The following OR56A5 variants were observed in gnomAD, a reference collection of about 807,000 sequenced individuals.
OR56A5 encodes olfactory receptor 56A5.
Under a neutral mutation model 13.8 loss-of-function variants are expected in OR56A5, and 10 were observed. The observed-to-expected ratio is 0.73, with a 90% confidence interval of 0.45 to 1.23. OR56A5 has a LOEUF of 1.23. OR56A5 is among the 50% of genes most tolerant of loss of function. The pLI, the probability that OR56A5 is intolerant of heterozygous loss-of-function variation, is 0.00. For synonymous variants in OR56A5, 156 were observed against 150.8 expected (o/e 1.03, Z -0.25); for missense variants, 377 against 370.9 (o/e 1.02, Z -0.13).
chr11:5,968,474 G>C lies in OR56A5; in HGVS notation c.21C>G (p.Asn7Lys), dbSNP rs1448825713. The C allele has an allele frequency of 6.4e-7, 1 of 1,555,600 alleles. No homozygotes were observed. Among genetic ancestry groups the C allele is most frequent in the African/African-American group, 1.4e-5 (1 of 73,166 alleles). ...AGAATTCAAAGACTGGGGAAGTGGA[G>C]TTGTTGCTGGGTAATGTCATGAAAT... MTLPSN[N>K]STSPVFEFFL... The change falls in exon 1 of 1, where the codon AAC becomes AAG. Residue 7 changes from asparagine to lysine, a missense_variant. Asn to Lys is a moderately conservative substitution (Grantham distance 94, BLOSUM62 0). Transcript: ENST00000532411.
rs752314869 is a variant in OR56A5, at chr11:5,968,435, G to A, written c.60C>T (p.Phe20=). 1.9e-6 allele frequency: 3 copies of A among 1,592,804 alleles called. No homozygotes were observed. In the South Asian group the frequency reaches 3.4e-5, roughly 18 times the overall value. ...SPVFEFFLIC[F]PSFQSWQHWL... is the part of the protein sequence containing the mutation. ...AGTGCTGCCAGCTCTGGAAACTGGG[G>A]AAACAAATGAGGAAGAATTCAAAGA... The change falls in exon 1 of 1, where the codon TTC becomes TTT. Residue 20 remains phenylalanine (F), a synonymous_variant. Coordinates refer to ENST00000532411, the MANE Select transcript of OR56A5 (RefSeq NM_001146033.1).
In OR56A5 at chr11:5,967,954, T is replaced by C; in HGVS notation, c.541A>G (p.Ile181Val). The change falls in exon 1 of 1, where the codon ATC becomes GTC. Residue 181 changes from isoleucine to valine, a missense_variant. Transcript: ENST00000532411. ...TTAGACACAGACACGTTAGTACAGA[T>C]GCAGTTCTTGATGATGTGTCCTGCA... ...YCAGHIIKNC[I>V]CTNVSVSKLS... The C allele has an allele frequency of 6.3e-7, 1 of 1,594,430 alleles. No homozygotes were observed. Among genetic ancestry groups the C allele is most frequent in the Non-Finnish European group, 8.6e-7 (1 of 1,169,216 alleles).
Position 5,968,278 on chromosome 11 carries a change from C to G in OR56A5, c.217G>C (p.Asp73His). 6.2e-7 allele frequency: 1 copy of G among 1,612,830 alleles called. No homozygotes were observed. Among genetic ancestry groups the G allele is most frequent in the East Asian group, 2.2e-5 (1 of 44,878 alleles). The change falls in exon 1 of 1, where the codon GAC (aspartate) becomes CAC (histidine). Residue 73 changes from aspartate (D) to histidine (H), a missense_variant. Physicochemically the swap from Asp to His is moderately conservative, Grantham distance 81. Transcript: ENST00000532411. Reference sequence around the variant, plus strand: ...ATGACGGTGAGGCAGAGTACGATGTCCAGCAGGGAGAGGAGGCTGAGCAGG... The same window carrying G: ...ATGACGGTGAGGCAGAGTACGATGTGCAGCAGGGAGAGGAGGCTGAGCAGG... ...YYLLSLLSLL[D>H]IVLCLTVIPK...
rs138339957 is a variant in OR56A5, at chr11:5,968,121, C to T, written c.374G>A (p.Arg125His). Residue 125 changes from arginine (R) to histidine (H), a missense_variant, in exon 1 of 1, where the codon CGC becomes CAC. Coordinates refer to ENST00000532411, the MANE Select transcript of OR56A5 (RefSeq NM_001146033.1). Reference sequence around the variant, plus strand: ...TAGGGGCTTGCAGATGGCCACATAGCGGTCATAGGCCATGATCATGAATGT... The same window carrying T: ...TAGGGGCTTGCAGATGGCCACATAGTGGTCATAGGCCATGATCATGAATGT... ...SCTFMIMAYD[R>H]YVAICKPLQY... The T allele has an allele frequency of 1.3e-4, 202 of 1,613,986 alleles. No homozygotes were observed. In the East Asian group the frequency reaches 3.7e-3, roughly 30 times the overall value.
In OR56A5 at chr11:5,968,183, C is replaced by A; in HGVS notation, c.312G>T (p.Val104=). Residue 104 remains valine (V), a synonymous_variant, in exon 1 of 1, where the codon GTG becomes GTT. Coordinates refer to ENST00000532411, the MANE Select transcript of OR56A5 (RefSeq NM_001146033.1). ...TAGTCAGAAAACTGTTCATGATGAA[C>A]ACCTGAAGGAAGCAGGCAGGGAAGC... The part of the protein sequence containing the change: ...SISFPACFLQ[V]FIMNSFLTME... The A allele has an allele frequency of 1.9e-6, 3 of 1,614,186 alleles. No individual in the cohort carries two copies. Among genetic ancestry groups the A allele is most frequent in the Non-Finnish European group, 2.5e-6 (3 of 1,180,022 alleles).
Position 5,967,983 on chromosome 11 carries a change from T to C in OR56A5, c.512A>G (p.Tyr171Cys). Residue 171 changes from tyrosine (Y) to cysteine (C), a missense_variant, in exon 1 of 1, where the codon TAC (tyrosine) becomes TGC (cysteine). Transcript: ENST00000532411. ...PIPILSSRLR[Y>C]CAGHIIKNCI... Reference sequence around the variant, plus strand: ...GTTCTTGATGATGTGTCCTGCACAGTATCTGAGTCGAGAAGAAAGTATGGG... The same window carrying C: ...GTTCTTGATGATGTGTCCTGCACAGCATCTGAGTCGAGAAGAAAGTATGGG... The C allele has an allele frequency of 6.3e-7, 1 of 1,589,514 alleles. No individual in the cohort carries two copies. The highest frequency in any genetic ancestry group is 8.6e-7 in the Non-Finnish European group (1 of 1,166,604).
chr11:5,967,566 A>C lies in OR56A5; in HGVS notation c.929T>G (p.Leu310Arg), dbSNP rs1356232843. The change falls in exon 1 of 1, where the codon CTG becomes CGG. Residue 310 changes from leucine (L) to arginine (R), a missense_variant. By Grantham distance (102) the Leu-to-Arg change is moderately radical. Coordinates refer to ENST00000532411, the MANE Select transcript of OR56A5 (RefSeq NM_001146033.1). ...KEIKQGIQNL[L>R]RRL ...TCATTTTATTTTTTACAACCTCCTCAGCAGGTTCTGGATTCCCTGCTTGAT... is the reference window on the plus strand; with the variant it reads ...TCATTTTATTTTTTACAACCTCCTCCGCAGGTTCTGGATTCCCTGCTTGAT... The C allele has an allele frequency of 1.3e-6, 2 of 1,590,448 alleles. No individual in the cohort carries two copies. The highest frequency in any genetic ancestry group is 2.2e-5 in the East Asian group (1 of 44,554).
chr11:5,968,189 A>C lies in OR56A5; in HGVS notation c.306T>G (p.Leu102=). 1 of 1,614,202 alleles carries C rather than the reference A, an allele frequency of 6.2e-7. No homozygotes were observed. The highest frequency in any genetic ancestry group is 8.5e-7 in the Non-Finnish European group (1 of 1,180,012). ...LRSISFPACF[L]QVFIMNSFLT... Reference sequence around the variant, plus strand: ...GAAAACTGTTCATGATGAACACCTGAAGGAAGCAGGCAGGGAAGCTGATTG... The same window carrying C: ...GAAAACTGTTCATGATGAACACCTGCAGGAAGCAGGCAGGGAAGCTGATTG... Residue 102 remains leucine, a synonymous_variant, in exon 1 of 1, where the codon CTT becomes CTG. Transcript: ENST00000532411.
rs1355199588 is a variant in OR56A5 at position 5,968,000 on chromosome 11, A to C, written c.495T>G (p.Leu165=). The C allele has an allele frequency of 5.7e-6, 9 of 1,590,936 alleles. No individual in the cohort carries two copies. The highest frequency in any genetic ancestry group is 1.7e-4 in the Middle Eastern group (1 of 6,056). Residue 165 remains leucine (L), a synonymous_variant, in exon 1 of 1, where the codon CTT becomes CTG. Coordinates refer to ENST00000532411, the MANE Select transcript of OR56A5 (RefSeq NM_001146033.1). ...CTGCACAGTATCTGAGTCGAGAAGAAAGTATGGGGATAGGCATAGTAAGAA... is the reference window on the plus strand; with the variant it reads ...CTGCACAGTATCTGAGTCGAGAAGACAGTATGGGGATAGGCATAGTAAGAA... The part of the protein sequence containing the change: ...NGLLTMPIPI[L]SSRLRYCAGH...
rs771264926 is a variant in OR56A5 at position 5,967,688 on chromosome 11, C to T, written c.807G>A (p.Lys269=). 18 of 1,613,796 alleles carry T rather than the reference C, an allele frequency of 1.1e-5. No homozygotes were observed. The highest frequency in any genetic ancestry group is 1.4e-5 in the Non-Finnish European group (17 of 1,179,920). Reference sequence around the variant, plus strand: ...GGATGGGGACATCCGGAGGAATTCTCTTCCTGGCCAGGTTAGTGATGACCA... The same window carrying T: ...GGATGGGGACATCCGGAGGAATTCTTTTCCTGGCCAGGTTAGTGATGACCA... The part of the protein sequence containing the change: ...LVLVITNLAR[K]RIPPDVPILL... The change falls in exon 1 of 1, where the codon AAG becomes AAA. Residue 269 remains lysine, a synonymous_variant. Coordinates refer to ENST00000532411, the MANE Select transcript of OR56A5 (RefSeq NM_001146033.1).
At position 5,967,725 on chromosome 11, in the gene OR56A5, A is replaced by G. The variant is rs1429568137; in HGVS notation, c.770T>C (p.Val257Ala). ...GTTAGTGATGACCAGAACCAGCAGG[A>G]CTGTGGTGAAGAAGAGGATGAGGAT... ...HFILILFFTTVLLVLVITNLA... is the reference protein window; with the variant it reads ...HFILILFFTTALLVLVITNLA... Residue 257 changes from valine (V) to alanine (A), a missense_variant, in exon 1 of 1, where the codon GTC becomes GCC. By Grantham distance (64) the Val-to-Ala change is moderately conservative (BLOSUM62 0). Transcript: ENST00000532411. 5 of 1,612,090 alleles carry G rather than the reference A, an allele frequency of 3.1e-6. No individual in the cohort carries two copies. The highest frequency in any genetic ancestry group is 4.2e-6 in the Non-Finnish European group (5 of 1,179,188).
rs1848005486 is a variant in OR56A5, at chr11:5,967,962, T to TTGA, written c.530_532dup (p.Ile177dup). 6.3e-7 allele frequency: 1 copy of TTGA among 1,593,842 alleles called. No individual in the cohort carries two copies. Among genetic ancestry groups the TTGA allele is most frequent in the African/African-American group, 1.3e-5 (1 of 74,516 alleles). On this transcript the variant is annotated inframe_insertion, in exon 1 of 1. Coordinates refer to ENST00000532411, the MANE Select transcript of OR56A5 (RefSeq NM_001146033.1). ...AGACACGTTAGTACAGATGCAGTTC[T>TTGA]TGATGATGTGTCCTGCACAGTATCT...
In OR56A5 at chr11:5,967,745, G is replaced by A; in HGVS notation, c.750C>T (p.Leu250=). ...ALGTCGSHFI[L]ILFFTTVLLV... is the part of the protein sequence containing the mutation. Reference sequence around the variant, plus strand: ...GCAGGACTGTGGTGAAGAAGAGGATGAGGATGAAGTGGGAACCACAAGTAC... The same window carrying A: ...GCAGGACTGTGGTGAAGAAGAGGATAAGGATGAAGTGGGAACCACAAGTAC... Residue 250 remains leucine (L), a synonymous_variant, in exon 1 of 1, where the codon CTC becomes CTT. Transcript: ENST00000532411. The A allele has an allele frequency of 6.2e-7, 1 of 1,608,728 alleles. No individual in the cohort carries two copies. The highest frequency in any genetic ancestry group is 8.5e-7 in the Non-Finnish European group (1 of 1,177,276).
Position 5,967,606 on chromosome 11 carries a change from C to T in OR56A5, c.889G>A (p.Val297Met), listed in dbSNP as rs1848001258. ...PPALNPIVYG[V>M]RTKEIKQGIQ... ...CCCTGCTTGATCTCCTTGGTTCTCA[C>T]ACCATAAACAATGGGGTTCAGAGCT... Residue 297 changes from valine (V) to methionine (M), a missense_variant, in exon 1 of 1, where the codon GTG becomes ATG. By Grantham distance (21) the Val-to-Met change is conservative. Coordinates refer to ENST00000532411, the MANE Select transcript of OR56A5 (RefSeq NM_001146033.1). The T allele has an allele frequency of 6.2e-7, 1 of 1,613,598 alleles. No individual in the cohort carries two copies. The highest frequency in any genetic ancestry group is 8.5e-7 in the Non-Finnish European group (1 of 1,179,794).
Position 5,967,825 on chromosome 11 carries a change from TA to T in OR56A5, c.669del (p.Phe223LeufsTer3). On this transcript the variant is annotated frameshift_variant, in exon 1 of 1. Transcript: ENST00000532411. LOFTEE classifies it high-confidence loss of function. ...DLILIVLSYF[F>X]ILKTVLRIKG... ...TTAATCCTTAGCACAGTTTTCAAGA[TA>T]AAAAAGTAAGAGAGAACAATAAGGA... 6.4e-7 allele frequency: 1 copy of T among 1,565,686 alleles called. No individual in the cohort carries two copies. The highest frequency in any genetic ancestry group is 8.7e-7 in the Non-Finnish European group (1 of 1,153,922).
Position 5,967,845 on chromosome 11 carries a change from A to G in OR56A5, c.650T>C (p.Ile217Thr), listed in dbSNP as rs751260621. The G allele has an allele frequency of 8.3e-6, 13 of 1,566,830 alleles. No homozygotes were observed. The highest frequency in any genetic ancestry group is 5.7e-5 in the Admixed American group (3 of 52,354). The change falls in exon 1 of 1, where the codon ATT becomes ACT. Residue 217 changes from isoleucine to threonine, a missense_variant. Physicochemically the swap from Ile to Thr is moderately conservative, Grantham distance 89. Coordinates refer to ENST00000532411, the MANE Select transcript of OR56A5 (RefSeq NM_001146033.1). The stretch of plus-strand genomic sequence containing the variant: ...CAAGATAAAAAAGTAAGAGAGAACA[A>G]TAAGGATGAGGTCAGAGCCCAGCAG... ...WTLLGSDLIL[I>T]VLSYFFILKT...
rs1388330095 is a variant in OR56A5, at chr11:5,968,275, T to C, written c.220A>G (p.Ile74Val). The change falls in exon 1 of 1, where the codon ATC (isoleucine) becomes GTC (valine). Residue 74 changes from isoleucine to valine, a missense_variant. By Grantham distance (29) the Ile-to-Val change is conservative. Coordinates refer to ENST00000532411, the MANE Select transcript of OR56A5 (RefSeq NM_001146033.1). ...GGGATGACGGTGAGGCAGAGTACGA[T>C]GTCCAGCAGGGAGAGGAGGCTGAGC... Reference protein sequence around the residue: ...YLLSLLSLLDIVLCLTVIPKV... With the variant: ...YLLSLLSLLDVVLCLTVIPKV... 1 of 1,613,028 alleles carries C rather than the reference T, an allele frequency of 6.2e-7. No homozygotes were observed. Among genetic ancestry groups the C allele is most frequent in the South Asian group, 1.1e-5 (1 of 90,826 alleles).
Position 5,968,063 on chromosome 11 carries a change from G to C in OR56A5, c.432C>G (p.Val144=). The change falls in exon 1 of 1, where the codon GTC becomes GTG. Residue 144 remains valine, a synonymous_variant. Coordinates refer to ENST00000532411, the MANE Select transcript of OR56A5 (RefSeq NM_001146033.1). ...CCACAACAAAGATGGCAGCCCTAGC[G>C]ACAAATTGATCAGTGATGATGGATG... ...QYSSIITDQF[V]ARAAIFVVAR... is the part of the protein sequence containing the mutation. 2.5e-6 allele frequency: 4 copies of C among 1,610,010 alleles called. No homozygotes were observed. Among genetic ancestry groups the C allele is most frequent in the Non-Finnish European group, 2.5e-6 (3 of 1,177,728 alleles).
chr11:5,967,678 G>C lies in OR56A5; in HGVS notation c.817C>G (p.Pro273Ala). The change falls in exon 1 of 1, where the codon CCG becomes GCG. Residue 273 changes from proline (P) to alanine (A), a missense_variant. Pro to Ala is a conservative substitution (Grantham distance 27, BLOSUM62 -1). Coordinates refer to ENST00000532411, the MANE Select transcript of OR56A5 (RefSeq NM_001146033.1). ...ATGTTGAGCAGGATGGGGACATCCG[G>C]AGGAATTCTCTTCCTGGCCAGGTTA... is the stretch of plus-strand genomic sequence containing the variant. The part of the protein sequence containing the change: ...ITNLARKRIP[P>A]DVPILLNILH... The C allele has an allele frequency of 6.2e-7, 1 of 1,613,902 alleles. No homozygotes were observed.
Sources: allele counts gnomAD v4.1 joint callset, GRCh38; gene constraint gnomAD v4.1.1; transcripts MANE v1.5; gene names NCBI Gene and HGNC (gene_info 2026-07-23, HGNC 2026-07-21).